HCFC1: variants seen among roughly 807,000 people sequenced by gnomAD.
The protein encoded by HCFC1 is host cell factor 1.
HCFC1 carries 7 observed loss-of-function variants against 105.5 expected under a neutral mutation model. The observed-to-expected ratio is 0.07, with a 90% CI of 0.04 to 0.12. The LOEUF (loss-of-function observed/expected upper bound fraction) is 0.12. HCFC1 is among the 10% of genes least tolerant of loss of function. The pLI is 1.00. For missense variants in HCFC1, 1,065 were observed against 1,823.6 expected, an observed-to-expected ratio of 0.58 and a Z score of 7.58; for synonymous variants, 918 against 828.1, an observed-to-expected ratio of 1.11 and a Z score of -1.86.
rs1158459916 is a variant in HCFC1, at chrX:153,971,377, C to T, written c.-537G>A. 6.8e-6 allele frequency: 2 copies of T among 294,564 alleles called. No homozygotes were observed. The highest frequency in any genetic ancestry group is 5.5e-5 in the African/African-American group (2 of 36,589). The allele number at this position is 294,564 out of a possible 1,213,427, so 24.3% of individuals were successfully genotyped here. ...GTGGGAGCCGCCATCTTGAGACCGT[C>T]CCGCTTCCCCGCCCAGCGCCTTAGT... is the stretch of plus-strand genomic sequence containing the variant. On this transcript the variant is annotated 5_prime_UTR_variant, in exon 1 of 26. Coordinates refer to ENST00000310441, the MANE Select transcript of HCFC1 (RefSeq NM_005334.3).
intron 3 of HCFC1, 104 bp downstream of exon 3, chrX:153,964,020 G>C (rs1170455405): frequency 7.2e-6 from 5 of 697,293 alleles, no homozygotes; most frequent in African/African-American, 2.2e-5. Context: ...AAAGGGACCC[G>C]GCCACGGGGC....
Position 153,949,250 on chromosome X carries a change from G to A in HCFC1, c.*97C>T. 1 of 630,185 alleles carries A rather than the reference G, an allele frequency of 1.6e-6. No homozygotes were observed. The highest frequency in any genetic ancestry group is 3.3e-5 in the East Asian group (1 of 30,607). The allele number at this position is 630,185 out of a possible 1,213,427, so 51.9% of individuals were successfully genotyped here. Reference sequence around the variant, plus strand: ...GTGAACAGCGGCTCGCGAGGGTGAAGTGCGAATGCTGGGACGGGGTGGGAG... The same window carrying A: ...GTGAACAGCGGCTCGCGAGGGTGAAATGCGAATGCTGGGACGGGGTGGGAG... On this transcript the variant is annotated 3_prime_UTR_variant, in exon 26 of 26. Coordinates refer to ENST00000310441, the MANE Select transcript of HCFC1 (RefSeq NM_005334.3).
intron 22 of HCFC1, 51 bp downstream of exon 22, chrX:153,951,299 G>A: frequency 8.4e-7 from 1 of 1,187,496 alleles, no homozygotes; most frequent in Non-Finnish European, 1.1e-6. Context: ...GCTCAGGGTG[G>A]TGGAGCCAAG....
At position 153,954,577 on chromosome X, in the gene HCFC1, G is replaced by A; in HGVS notation, c.3822C>T (p.Ala1274=). 8.3e-7 allele frequency: 1 copy of A among 1,211,276 alleles called. No homozygotes were observed. Among genetic ancestry groups the A allele is most frequent in the South Asian group, 1.8e-5 (1 of 57,006 alleles). The change falls in exon 17 of 26, where the codon GCC becomes GCT. Residue 1274 remains alanine (A), a synonymous_variant. Coordinates refer to ENST00000310441, the MANE Select transcript of HCFC1 (RefSeq NM_005334.3). ...GSPSTTVTVT[A]LEALLCPSAT... is the part of the protein sequence containing the mutation. ...CCGAGGGGCACAGCAGTGCCTCCAGGGCTGTCACAGTCACTGTGGTGCTGG... is the reference window on the plus strand; with the variant it reads ...CCGAGGGGCACAGCAGTGCCTCCAGAGCTGTCACAGTCACTGTGGTGCTGG...
chrX:153,952,408 G>A, intron 19 of HCFC1, 106 bp downstream of exon 19: 5 of 944,456 alleles, frequency 5.3e-6, no homozygotes, highest in East Asian at 3.3e-5. Context: ...CATCACATCT[G>A]GCTCATGCCA....
intron 9 of HCFC1, 140 bp from the exon 10 acceptor site, chrX:153,958,906 G>C (rs1557115943): frequency 2.2e-6 from 1 of 449,979 alleles, no homozygotes; most frequent in Non-Finnish European, 3.6e-6. Context: ...TTTCTCTACT[G>C]CCAGACCCCG....
chrX:153,968,634 T>C (rs987466797), intron 1 of HCFC1, among the ~76,000 whole-genome samples: 5 of 112,488 alleles, frequency 4.4e-5, no homozygotes, highest in African/African-American at 1.6e-4. Context: ...AGACTGGTAA[T>C]GAATTCATGC....
rs374223163 is a variant in HCFC1, at chrX:153,956,356, C to G, written c.2691G>C (p.Ala897=). 8.3e-7 allele frequency: 1 copy of G among 1,211,953 alleles called. No homozygotes were observed. Among genetic ancestry groups the G allele is most frequent in the South Asian group, 1.8e-5 (1 of 57,032 alleles). The part of the protein sequence containing the change: ...TGTVSTSLAG[A]GGHSTSASLA... ...GGGAAGCACTAGTGCTGTGGCCCCC[C>G]GCCCCGGCAAGGCTGGTGGAGACGG... Residue 897 remains alanine (A), a synonymous_variant, in exon 16 of 26, where the codon GCG becomes GCC. Transcript: ENST00000310441.
intron 3 of HCFC1, 111 bp from the exon 4 acceptor site, chrX:153,963,544 T>C: frequency 1.9e-6 from 1 of 522,720 alleles, no homozygotes; most frequent in Non-Finnish European, 3.2e-6. Flanking sequence ...GCTAGGGCTG[T>C]GGGAGCTCTG....
intron 12 of HCFC1, 108 bp from the exon 13 acceptor site, chrX:153,957,641 C>A: frequency 1.3e-6 from 1 of 792,754 alleles, no homozygotes. Flanking sequence ...GTTCTGGAGG[C>A]TGTGGGCGAG....
At chrX:153,953,132 G>A (rs2148565131) in intron 18 of HCFC1, 174 bp from the exon 19 acceptor site, 3 of 488,740 alleles carry the variant, frequency 6.1e-6, no homozygotes, top group Non-Finnish European at 7.3e-6. Flanking sequence ...GAGGAGAGGG[G>A]CCAGAGCCAG....
chrX:153,954,663 T>C lies in HCFC1; in HGVS notation c.3736A>G (p.Ser1246Gly). 4 of 1,207,409 alleles carry C rather than the reference T, an allele frequency of 3.3e-6. No individual in the cohort carries two copies. Among genetic ancestry groups the C allele is most frequent in the Non-Finnish European group, 4.5e-6 (4 of 893,577 alleles). Residue 1246 changes from serine (S) to glycine (G), a missense_variant, in exon 17 of 26, where the codon AGC (serine) becomes GGC (glycine). This residue lies in a region of HCFC1 where 546 missense variants were observed against 599.9 expected (regional missense o/e 0.91). Coordinates refer to ENST00000310441, the MANE Select transcript of HCFC1 (RefSeq NM_005334.3). Reference protein sequence around the residue: ...AVSTAAMTRSSVGAGEPRMAP... With the variant: ...AVSTAAMTRSGVGAGEPRMAP... Reference sequence around the variant, plus strand: ...ATGCGGGGCTCCCCAGCACCCACGCTGGAACGGGTCATGGCAGCGGTGCTG... The same window carrying C: ...ATGCGGGGCTCCCCAGCACCCACGCCGGAACGGGTCATGGCAGCGGTGCTG...
rs2148550161 is a variant in HCFC1 at position 153,948,530 on chromosome X, A to C, written c.*817T>G. 8.8e-6 allele frequency: 1 copy of C among 113,356 alleles called. No homozygotes were observed. Among genetic ancestry groups the C allele is most frequent in the Non-Finnish European group, 1.9e-5 (1 of 53,385 alleles). 9.3% of individuals were successfully genotyped at this position (113,356 alleles called of 1,213,427 possible). A position where few individuals can be genotyped will look rare whatever the true frequency, so the allele number is the denominator to read the frequency against. ...ACAAAACAAAAAAAAGAGAAAAGAA[A>C]AAAGATTACACATTCTGTACACAGC... On this transcript the variant is annotated 3_prime_UTR_variant, in exon 26 of 26. Transcript: ENST00000310441.
chrX:153,959,261 C>T, intron 9 of HCFC1, 70 bp downstream of exon 9: 1 of 1,089,604 alleles, frequency 9.2e-7, no homozygotes. Flanking sequence ...ATGTGAACCC[C>T]TCAGTACACT....
At position 153,954,761 on chromosome X, in the gene HCFC1, G is replaced by T; in HGVS notation, c.3638C>A (p.Pro1213His). The change falls in exon 17 of 26, where the codon CCT (proline) becomes CAT (histidine). Residue 1213 changes from proline (P) to histidine (H), a missense_variant. Around this residue, in one of 17 missense-constraint regions of HCFC1, gnomAD observed 546 missense variants for 599.9 expected, o/e 0.91. Transcript: ENST00000310441. ...GCTCAGCCTGACTTTGCTGCTCAGA[G>T]GGGCCAACTGCACAAAAGCAGGGCT... Reference protein sequence around the residue: ...GRSPAFVQLAPLSSKVRLSSP... With the variant: ...GRSPAFVQLAHLSSKVRLSSP... 1 of 1,172,402 alleles carries T rather than the reference G, an allele frequency of 8.5e-7. No individual in the cohort carries two copies.
intron 1 of HCFC1, among the ~76,000 whole-genome samples, chrX:153,967,735 G>GT (rs1276428633): frequency 8.9e-6 from 1 of 111,791 alleles, no homozygotes; most frequent in African/African-American, 3.3e-5. Flanking sequence ...AAGAGGTGAC[G>GT]TTTCAGCCGG....
Position 153,956,230 on chromosome X carries a change from T to C in HCFC1, c.2817A>G (p.Thr939=), listed in dbSNP as rs782349400. 1 of 1,212,170 alleles carries C rather than the reference T, an allele frequency of 8.2e-7. No individual in the cohort carries two copies. Among genetic ancestry groups the C allele is most frequent in the Admixed American group, 2.2e-5 (1 of 46,163 alleles). Residue 939 remains threonine (T), a synonymous_variant, in exon 16 of 26, where the codon ACA becomes ACG. Coordinates refer to ENST00000310441, the MANE Select transcript of HCFC1 (RefSeq NM_005334.3). ...TTGGGGTTGTGAGCCCGCCTGCCGC[T>C]GTCAGCGTGGTCTGTGCGGCCGACA... is the stretch of plus-strand genomic sequence containing the variant. ...ITVSAAQTTL[T]AAGGLTTPTI...
At chrX:153,957,206 G>A (rs2065385911) in intron 13 of HCFC1, 108 bp downstream of exon 13, 2 of 970,014 alleles carry the variant, frequency 2.1e-6, no homozygotes, top group Non-Finnish European at 2.8e-6. Context: ...GCAAGGAGAA[G>A]ATAGAAAAGG....
Position 153,955,175 on chromosome X carries a change from C to G in HCFC1, c.3224G>C (p.Cys1075Ser). The part of the protein sequence containing the change: ...GQQNGSVVRV[C>S]SNPPCETHET... ...GTGGGTCTCGCAGGGCGGGTTCGAACAGACTCGGACCACGCTACCATTCTG... is the reference window on the plus strand; with the variant it reads ...GTGGGTCTCGCAGGGCGGGTTCGAAGAGACTCGGACCACGCTACCATTCTG... The change falls in exon 17 of 26, where the codon TGT (cysteine) becomes TCT (serine). Residue 1075 changes from cysteine to serine, a missense_variant. Coordinates refer to ENST00000310441, the MANE Select transcript of HCFC1 (RefSeq NM_005334.3). The G allele has an allele frequency of 8.3e-7, 1 of 1,211,212 alleles. No homozygotes were observed. The highest frequency in any genetic ancestry group is 1.7e-5 in the African/African-American group (1 of 57,793).
Sources: gnomAD v4.1 joint callset for allele counts (sites outside exome capture counted in the v4.1 genomes callset) on GRCh38, gnomAD v4.1.1 for gene constraint, gnomAD v4.1.1 regional missense constraint, MANE v1.5 for transcripts, NCBI Gene and HGNC (gene_info 2026-07-23, HGNC 2026-07-21) for gene names.